Variants in HECW2 observed in about 807,000 individuals in gnomAD.
HECW2 encodes the protein HECT, C2 and WW domain containing E3 ubiquitin protein ligase 2, also known as E3 ubiquitin-protein ligase HECW2.
Under a neutral mutation model 175.2 loss-of-function variants are expected in HECW2, and 61 were observed. The observed-to-expected ratio is 0.35, with a 90% CI of 0.28 to 0.43. The LOEUF (loss-of-function observed/expected upper bound fraction) is 0.43, where lower values mean the gene tolerates loss of function less well. Among genes scored for constraint, HECW2 ranks in the 20% least tolerant of loss-of-function variants. HECW2 has a pLI of 1.00. For missense variants in HECW2, 1,524 were observed against 2,000.5 expected (o/e 0.76, Z 4.54); for synonymous variants, 671 against 731.0 (o/e 0.92, Z 1.32).
intron 1 of HECW2, among the ~76,000 whole-genome samples, chr2:196,569,340 T>TCTAAA (rs200812711): frequency 0.031 from 4,638 of 149,372 alleles, 86 homozygotes; most frequent in South Asian, 0.075. Flanking sequence ...AGACACTGTC[T>TCTAAA]CTAAACTAAA....
chr2:196,395,006 A>G (rs1694620003), intron 2 of HECW2, among the ~76,000 whole-genome samples: 2 of 152,190 alleles, frequency 1.3e-5, no homozygotes, highest in South Asian at 4.2e-4. Flanking sequence ...CACTTGGTAG[A>G]AGGGGCCAGA....
chr2:196,242,987 C>CT (rs1286842598), intron 19 of HECW2, among the ~76,000 whole-genome samples: 2 of 152,128 alleles, frequency 1.3e-5, no homozygotes, highest in East Asian at 3.9e-4. Flanking sequence ...GCCACCGCAC[C>CT]TGGCCTACAA....
At chr2:196,541,961 T>C (rs1176459917) in intron 1 of HECW2, among the ~76,000 whole-genome samples, 3 of 151,910 alleles carry the variant, frequency 2.0e-5, no homozygotes, top group Non-Finnish European at 4.4e-5. Context: ...AAATGGAATG[T>C]AACATAGAAA....
At chr2:196,512,314 C>G (rs1261194825) in intron 1 of HECW2, among the ~76,000 whole-genome samples, 3 of 152,210 alleles carry the variant, frequency 2.0e-5, no homozygotes, top group Admixed American at 6.5e-5. Context: ...TGTGACCCAC[C>G]ACTTTGCAAC....
chr2:196,272,464 AT>A (rs942124371), intron 16 of HECW2, among the ~76,000 whole-genome samples: 1 of 152,232 alleles, frequency 6.6e-6, no homozygotes, highest in African/African-American at 2.4e-5. Flanking sequence ...ATATATTTAA[AT>A]TCACAGAACT....
At chr2:196,570,216 TA>T (rs1372645305) in intron 1 of HECW2, among the ~76,000 whole-genome samples, 2 of 152,204 alleles carry the variant, frequency 1.3e-5, no homozygotes, top group Non-Finnish European at 2.9e-5. Context: ...ATGGATACAC[TA>T]GATGATCCTT....
intron 2 of HECW2, among the ~76,000 whole-genome samples, chr2:196,360,747 T>A (rs1693560052): frequency 1.3e-5 from 2 of 152,146 alleles, no homozygotes; most frequent in Non-Finnish European, 2.9e-5. Flanking sequence ...TTGCTCCTGA[T>A]CCTAAAGAAT....
intron 1 of HECW2, among the ~76,000 whole-genome samples, chr2:196,530,560 CT>C (rs1688806064): frequency 6.6e-6 from 1 of 152,198 alleles, no homozygotes; most frequent in African/African-American, 2.4e-5. Context: ...TTAATTCCCT[CT>C]TTTCAAATGG....
At chr2:196,527,323 G>A (rs903618245) in intron 1 of HECW2, among the ~76,000 whole-genome samples, 4 of 152,226 alleles carry the variant, frequency 2.6e-5, no homozygotes, top group East Asian at 1.9e-4. Context: ...GCAATGCCTC[G>A]CCCTGCTTCG....
At chr2:196,316,759 A>G (rs1222983785) in intron 10 of HECW2, 1 of 153,334 alleles carries the variant, frequency 6.5e-6, no homozygotes, top group African/African-American at 2.4e-5. Context: ...TCAAGTCCCC[A>G]GCTAATTGTC....
intron 14 of HECW2, chr2:196,290,620 T>C (rs1204888261): frequency 1.3e-5 from 2 of 152,144 alleles, no homozygotes; most frequent in African/African-American, 2.4e-5. Context: ...ACAGATGAAC[T>C]CTTGGTGGGC....
chr2:196,499,739 G>A (rs1306271739), intron 1 of HECW2, among the ~76,000 whole-genome samples: 1 of 152,114 alleles, frequency 6.6e-6, no homozygotes, highest in Non-Finnish European at 1.5e-5. Context: ...TTTTAAAAGG[G>A]ACAAAAATTA....
chr2:196,554,860 C>T (rs912789012), intron 1 of HECW2, among the ~76,000 whole-genome samples: 1 of 152,188 alleles, frequency 6.6e-6, no homozygotes, highest in African/African-American at 2.4e-5. Context: ...GTTTTCACAT[C>T]ATTACAGAAT....
intron 1 of HECW2, among the ~76,000 whole-genome samples, chr2:196,491,472 G>GTAAA (rs1687191063): frequency 7.3e-6 from 1 of 137,062 alleles, no homozygotes; most frequent in African/African-American, 2.8e-5. Context: ...TTAGGTGTGT[G>GTAAA]TATATATATA....
At chr2:196,591,472 C>A (rs1559192629) in intron 1 of HECW2, among the ~76,000 whole-genome samples, 1 of 152,208 alleles carries the variant, frequency 6.6e-6, no homozygotes, top group Non-Finnish European at 1.5e-5. Flanking sequence ...CTGCTTCACA[C>A]AACCACATCG....
At chr2:196,259,406 G>A (rs1406418693) in intron 17 of HECW2, among the ~76,000 whole-genome samples, 2 of 152,182 alleles carry the variant, frequency 1.3e-5, no homozygotes, top group African/African-American at 4.8e-5. Flanking sequence ...AAAAGTCAAT[G>A]GATTTGCCCT....
chr2:196,238,900 A>G (rs1307382124), intron 21 of HECW2: 1 of 152,348 alleles, frequency 6.6e-6, no homozygotes, highest in African/African-American at 2.4e-5. Context: ...TCAAACTTAA[A>G]TATCAGTGCT....
At chr2:196,333,016 C>G (rs1279728274) in intron 4 of HECW2, among the ~76,000 whole-genome samples, 1 of 151,746 alleles carries the variant, frequency 6.6e-6, no homozygotes, top group African/African-American at 2.4e-5. Context: ...ACACTATTCC[C>G]TCTGCCTGCA....
chr2:196,279,448 C>A (rs548191712), intron 14 of HECW2, among the ~76,000 whole-genome samples: 88 of 152,276 alleles, frequency 5.8e-4, no homozygotes, highest in African/African-American at 2.0e-3. Flanking sequence ...CTCTATTTGT[C>A]CCCTCCCAGC....
Sources: allele counts gnomAD v4.1 joint callset (sites outside exome capture counted in the v4.1 genomes callset), GRCh38; gene constraint gnomAD v4.1.1; transcripts MANE v1.5; gene names NCBI Gene and HGNC (gene_info 2026-07-23, HGNC 2026-07-21).